The following NRXN1 variants were observed in gnomAD, a reference collection of about 807,000 sequenced individuals.
NRXN1 encodes the protein neurexin 1.
NRXN1 carries 39 observed loss-of-function variants against 150.9 expected under a neutral mutation model. The observed-to-expected ratio is 0.26, with a 90% CI of 0.20 to 0.34. The LOEUF is 0.34. NRXN1 is among the 10% of genes least tolerant of loss of function. The pLI is 1.00. For synonymous variants in NRXN1, 924 were observed against 757.0 expected (o/e 1.22, Z -3.62); for missense variants, 1,815 against 1,949.9 (o/e 0.93, Z 1.30).
Position 50,429,431 on chromosome 2 carries a change from A to T in NRXN1, c.3364+36011T>A, listed in dbSNP as rs2084769117. On this transcript the variant is annotated intron_variant, in intron 17 of 22. Coordinates refer to ENST00000401669, the MANE Select transcript of NRXN1 (RefSeq NM_001330078.2). Reference sequence around the variant, plus strand: ...GCCATCACGCCTGGCTAATTTTGGTATTTTTAGTAGGGAGGGGGTTTCATT... The same window carrying T: ...GCCATCACGCCTGGCTAATTTTGGTTTTTTTAGTAGGGAGGGGGTTTCATT... Among the ~76,000 whole-genome samples, 3 of 151,790 alleles carry T rather than the reference A, an allele frequency of 2.0e-5. No homozygotes were observed. In the South Asian group the frequency reaches 6.2e-4, roughly 32 times the overall value.
At chr2:50,171,949 G>T (rs2060056373) in intron 18 of NRXN1, among the ~76,000 whole-genome samples, 1 of 152,128 alleles carries the variant, frequency 6.6e-6, no homozygotes, top group South Asian at 2.1e-4. Context: ...GGAGTCTACA[G>T]AAATGTATTA....
At chr2:50,942,008 C>T (rs1689528941) in intron 2 of NRXN1, among the ~76,000 whole-genome samples, 1 of 152,152 alleles carries the variant, frequency 6.6e-6, no homozygotes, top group Admixed American at 6.5e-5. Context: ...GTCACATGGC[C>T]CAGCTGCTCT....
At chr2:50,397,114 T>C (rs2082101098) in intron 17 of NRXN1, among the ~76,000 whole-genome samples, 1 of 152,126 alleles carries the variant, frequency 6.6e-6, no homozygotes, top group African/African-American at 2.4e-5. Flanking sequence ...TCTGGCTCTC[T>C]GGTATCAGGT....
intron 15 of NRXN1, among the ~76,000 whole-genome samples, chr2:50,495,028 C>T (rs2091482254): frequency 1.4e-5 from 2 of 144,290 alleles, no homozygotes; most frequent in Admixed American, 1.4e-4. Flanking sequence ...AAGACTCTGT[C>T]TCCAAAAAAA....
At chr2:50,390,841 C>T (rs1342486784) in intron 17 of NRXN1, among the ~76,000 whole-genome samples, 2 of 151,998 alleles carry the variant, frequency 1.3e-5, no homozygotes, top group African/African-American at 2.4e-5. Context: ...TCGCAGCCAC[C>T]AGAACTGTAA....
chr2:50,285,941 T>C (rs1520525), intron 17 of NRXN1, among the ~76,000 whole-genome samples: 44,390 of 151,694 alleles, frequency 0.29, 6,809 homozygotes, highest in East Asian at 0.36. Context: ...TTATAGAGAA[T>C]AATAGAAAAT....
At chr2:50,870,810 T>G (rs760744413) in intron 5 of NRXN1, among the ~76,000 whole-genome samples, 3 of 151,882 alleles carry the variant, frequency 2.0e-5, no homozygotes, top group Non-Finnish European at 4.4e-5. Context: ...ATATGCAATC[T>G]CTATTTAGCA....
intron 5 of NRXN1, among the ~76,000 whole-genome samples, chr2:50,894,985 C>T (rs546128063): frequency 6.6e-6 from 1 of 152,258 alleles, no homozygotes; most frequent in African/African-American, 2.4e-5. Flanking sequence ...CTCATGCTTA[C>T]ATCAAATGCA....
At chr2:50,112,902 C>T (rs6714191) in intron 18 of NRXN1, among the ~76,000 whole-genome samples, 48,105 of 152,010 alleles carry the variant, frequency 0.32, 8,138 homozygotes, top group Non-Finnish European at 0.37. Flanking sequence ...CAAAAGAAAT[C>T]AGAAAATGAC....
At chr2:50,291,197 T>G (rs1447536313) in intron 17 of NRXN1, among the ~76,000 whole-genome samples, 3 of 151,742 alleles carry the variant, frequency 2.0e-5, no homozygotes, top group Non-Finnish European at 4.4e-5. Flanking sequence ...TTGGCTCACG[T>G]GCTTCCCACT....
intron 21 of NRXN1, chr2:49,974,330 G>C: frequency 4.2e-5 from 19 of 448,400 alleles, no homozygotes; most frequent in South Asian, 4.0e-4. Context: ...CACTCAAAAA[G>C]TCTCAGCAGT....
At chr2:50,605,595 C>T (rs1402185280) in intron 8 of NRXN1, among the ~76,000 whole-genome samples, 1 of 152,214 alleles carries the variant, frequency 6.6e-6, no homozygotes, top group African/African-American at 2.4e-5. Context: ...TCACCTCATG[C>T]CTGTTAGGCT....
intron 5 of NRXN1, among the ~76,000 whole-genome samples, chr2:50,899,654 G>C (rs1574870371): frequency 6.6e-6 from 1 of 152,186 alleles, no homozygotes; most frequent in Admixed American, 6.5e-5. Context: ...CTAATATTTT[G>C]CAGGATGTAT....
intron 5 of NRXN1, among the ~76,000 whole-genome samples, chr2:50,847,026 G>A (rs1240995968): frequency 2.0e-5 from 3 of 151,976 alleles, no homozygotes; most frequent in Admixed American, 6.6e-5. Context: ...AAGACCTGTC[G>A]GATCAGATTC....
chr2:50,925,988 G>T, intron 2 of NRXN1, 33 bp from the exon 3 acceptor site: 1 of 1,555,374 alleles, frequency 6.4e-7, no homozygotes, highest in African/African-American at 1.4e-5. Context: ...GAGAGAAAAG[G>T]AAAAACATTC....
chr2:50,280,718 C>T (rs1412842469), intron 17 of NRXN1, among the ~76,000 whole-genome samples: 1 of 152,098 alleles, frequency 6.6e-6, no homozygotes, highest in African/African-American at 2.4e-5. Context: ...GCTCTGACGG[C>T]GCTCTAATTG....
At chr2:50,165,847 C>T (rs1574272604) in intron 18 of NRXN1, among the ~76,000 whole-genome samples, 1 of 152,162 alleles carries the variant, frequency 6.6e-6, no homozygotes, top group Non-Finnish European at 1.5e-5. Context: ...TCACTGCTTG[C>T]TCATATTATC....
At chr2:50,298,315 A>G (rs2073823077) in intron 17 of NRXN1, among the ~76,000 whole-genome samples, 1 of 152,126 alleles carries the variant, frequency 6.6e-6, no homozygotes, top group Non-Finnish European at 1.5e-5. Flanking sequence ...TCAAAATTAG[A>G]CTTTTACTCT....
At chr2:50,970,030 C>A (rs1446389923) in intron 2 of NRXN1, among the ~76,000 whole-genome samples, 2 of 152,108 alleles carry the variant, frequency 1.3e-5, no homozygotes, top group Admixed American at 6.6e-5. Context: ...CCTCTTTAAG[C>A]CTGCATTCCT....
Sources: allele counts gnomAD v4.1 joint callset (sites outside exome capture counted in the v4.1 genomes callset), GRCh38; gene constraint gnomAD v4.1.1; transcripts MANE v1.5; gene names NCBI Gene and HGNC (gene_info 2026-07-23, HGNC 2026-07-21).